Variants in FHIP1A observed in about 807,000 individuals in gnomAD.
FHIP1A encodes the protein FHF complex subunit HOOK interacting protein 1A.
In FHIP1A, 61 loss-of-function variants were observed where a neutral mutation model predicts 88.6. That is an observed-to-expected ratio of 0.69 (90% CI 0.56 to 0.85). The LOEUF is 0.85. FHIP1A is among the 40% of genes least tolerant of loss of function. The pLI, the probability that FHIP1A is intolerant of heterozygous loss-of-function variation, is 0.00. For synonymous variants in FHIP1A, 478 were observed against 496.0 expected (o/e 0.96, Z 0.48); for missense variants, 1,154 against 1,273.5 (o/e 0.91, Z 1.43).
intron 2 of FHIP1A, among the ~76,000 whole-genome samples, chr4:151,465,189 T>C (rs539149365): frequency 5.9e-5 from 9 of 152,162 alleles, no homozygotes; most frequent in Non-Finnish European, 1.3e-4. Context: ...AGTGAGGCCC[T>C]GTCTCTTTAA....
intron 3 of FHIP1A, among the ~76,000 whole-genome samples, chr4:151,515,055 A>G (rs1378946038): frequency 1.3e-5 from 2 of 152,132 alleles, no homozygotes; most frequent in Non-Finnish European, 2.9e-5. Flanking sequence ...AAAATCCTCA[A>G]TAAAATACTG....
chr4:151,606,038 A>G (rs1735059995), intron 7 of FHIP1A, among the ~76,000 whole-genome samples: 2 of 152,166 alleles, frequency 1.3e-5, no homozygotes, highest in Non-Finnish European at 2.9e-5. Flanking sequence ...AACGGGCTAT[A>G]ATTGGGTGCT....
At chr4:151,620,288 A>T (rs908154597) in intron 7 of FHIP1A, among the ~76,000 whole-genome samples, 2 of 152,242 alleles carry the variant, frequency 1.3e-5, no homozygotes, top group African/African-American at 4.8e-5. Context: ...GTCCACCCAC[A>T]GGAAGAGGCA....
At chr4:151,412,316 G>T (rs1732682866) in intron 1 of FHIP1A, among the ~76,000 whole-genome samples, 1 of 152,162 alleles carries the variant, frequency 6.6e-6, no homozygotes, top group Non-Finnish European at 1.5e-5. Context: ...ATGTTGGCCA[G>T]GGTGGTCTCA....
intron 2 of FHIP1A, among the ~76,000 whole-genome samples, chr4:151,462,887 A>T (rs2709820): frequency 6.6e-6 from 1 of 151,982 alleles, no homozygotes; most frequent in Non-Finnish European, 1.5e-5. Flanking sequence ...CTGAGAGATG[A>T]CTTAGTATTG....
rs551770648 is a variant in FHIP1A at position 151,657,495 on chromosome 4, C to T, written c.2869+597C>T. Among the ~76,000 whole-genome samples, 3 of 152,132 alleles carry T rather than the reference C, an allele frequency of 2.0e-5. No individual in the cohort carries two copies. In the East Asian group the frequency reaches 5.8e-4, roughly 29 times the overall value. On this transcript the variant is annotated intron_variant, in intron 13 of 13. Transcript: ENST00000435205. ...GCAGAGTGAGGAGTGGGGGTGGGGGCATGGGTCGGTGCTAGTAGGAGCGCT... is the reference window on the plus strand; with the variant it reads ...GCAGAGTGAGGAGTGGGGGTGGGGGTATGGGTCGGTGCTAGTAGGAGCGCT...
At chr4:151,446,837 G>C (rs1728627503) in intron 1 of FHIP1A, among the ~76,000 whole-genome samples, 1 of 152,096 alleles carries the variant, frequency 6.6e-6, no homozygotes, top group Admixed American at 6.5e-5. Context: ...TCTGCTGATA[G>C]ATAGCTGTTT....
intron 3 of FHIP1A, among the ~76,000 whole-genome samples, chr4:151,522,470 C>T (rs1731479481): frequency 6.6e-6 from 1 of 152,202 alleles, no homozygotes; most frequent in African/African-American, 2.4e-5. Flanking sequence ...GTTCTCTGTT[C>T]AGGAATCTCC....
At chr4:151,636,258 A>AG (rs1280249691) in intron 8 of FHIP1A, among the ~76,000 whole-genome samples, 1 of 151,992 alleles carries the variant, frequency 6.6e-6, no homozygotes, top group Non-Finnish European at 1.5e-5. Context: ...TTAGAAATAG[A>AG]GGGGAACTTC....
chr4:151,662,580 G>A lies in FHIP1A; in HGVS notation c.2949G>A (p.Leu983=). The change falls in exon 14 of 14, where the codon CTG becomes CTA. Residue 983 remains leucine (L), a synonymous_variant. Transcript: ENST00000435205. Reference sequence around the variant, plus strand: ...CTCCAAGAGTGCTTCAGCCCTTCCTGACCCACAGAACCAAGGTGGCTGAGG... The same window carrying A: ...CTCCAAGAGTGCTTCAGCCCTTCCTAACCCACAGAACCAAGGTGGCTGAGG... ...DGPPRVLQPF[L]THRTKVAEAP... is the part of the protein sequence containing the mutation. The A allele has an allele frequency of 6.4e-7, 1 of 1,551,518 alleles. No homozygotes were observed. Among genetic ancestry groups the A allele is most frequent in the Non-Finnish European group, 8.7e-7 (1 of 1,146,950 alleles).
At chr4:151,463,768 C>T (rs146998943) in intron 2 of FHIP1A, among the ~76,000 whole-genome samples, 5 of 152,322 alleles carry the variant, frequency 3.3e-5, no homozygotes, top group African/African-American at 9.6e-5. Flanking sequence ...CTGTGTCTCA[C>T]AGTATCACCA....
chr4:151,565,809 A>G (rs1188890857), intron 3 of FHIP1A, among the ~76,000 whole-genome samples: 1 of 151,970 alleles, frequency 6.6e-6, no homozygotes, highest in Admixed American at 6.5e-5. Flanking sequence ...CCAACCTAAT[A>G]GTTTCTTACT....
At chr4:151,590,738 AT>A (rs1440447397) in intron 7 of FHIP1A, among the ~76,000 whole-genome samples, 1 of 152,226 alleles carries the variant, frequency 6.6e-6, no homozygotes, top group African/African-American at 2.4e-5. Flanking sequence ...TAAGAGAATA[AT>A]TGCTAACATT....
chr4:151,477,689 G>A (rs1490361319), intron 2 of FHIP1A, among the ~76,000 whole-genome samples: 1 of 152,044 alleles, frequency 6.6e-6, no homozygotes, highest in African/African-American at 2.4e-5. Context: ...GCTACAAATA[G>A]TCTAAAGGAA....
At chr4:151,606,328 G>A (rs899490729) in intron 7 of FHIP1A, among the ~76,000 whole-genome samples, 1 of 152,154 alleles carries the variant, frequency 6.6e-6, no homozygotes, top group Admixed American at 6.5e-5. Context: ...AAAACGTCTT[G>A]AAGTTTTATG....
intron 1 of FHIP1A, among the ~76,000 whole-genome samples, chr4:151,439,016 G>C (rs150228618): frequency 6.6e-6 from 1 of 152,066 alleles, no homozygotes; most frequent in Non-Finnish European, 1.5e-5. Flanking sequence ...TGAAACACCC[G>C]TGTACTCAGC....
At chr4:151,617,283 T>C (rs960171540) in intron 7 of FHIP1A, among the ~76,000 whole-genome samples, 2 of 151,910 alleles carry the variant, frequency 1.3e-5, no homozygotes, top group Non-Finnish European at 1.5e-5. Context: ...AACTAAGTTC[T>C]AGCGAATTTG....
chr4:151,662,689 T>A lies in FHIP1A; in HGVS notation c.3058T>A (p.Leu1020Met). 6.4e-7 allele frequency: 1 copy of A among 1,550,966 alleles called. No individual in the cohort carries two copies. The highest frequency in any genetic ancestry group is 8.7e-7 in the Non-Finnish European group (1 of 1,146,910). Residue 1020 changes from leucine (L) to methionine (M), a missense_variant, in exon 14 of 14, where the codon TTG becomes ATG. By Grantham distance (15) the Leu-to-Met change is conservative (BLOSUM62 2). Coordinates refer to ENST00000435205, the MANE Select transcript of FHIP1A (RefSeq NM_001109977.3). ...FPEFLKELAA[L>M]AQEHSILCYK... ...AGAGTTCCTGAAGGAGCTGGCGGCC[T>A]TGGCCCAGGAACACTCCATTCTGTG...
At position 151,652,940 on chromosome 4, in the gene FHIP1A, T is replaced by A. The variant is rs148413994; in HGVS notation, c.2551+2348T>A. Among the ~76,000 whole-genome samples the A allele has an allele frequency of 9.6e-3, 1,460 of 152,192 alleles. 22 individuals carry two copies. The highest frequency in any genetic ancestry group is 0.033 in the African/African-American group (1,366 of 41,498). On this transcript the variant is annotated intron_variant, in intron 11 of 13. Coordinates refer to ENST00000435205, the MANE Select transcript of FHIP1A (RefSeq NM_001109977.3). ...CTGAAGAAGGCCCTGGAGTTTAAAG[T>A]TGAGGAATGATGTGACTGGATCTGA...
Sources: gnomAD v4.1 joint callset for allele counts (sites outside exome capture counted in the v4.1 genomes callset) on GRCh38, gnomAD v4.1.1 for gene constraint, MANE v1.5 for transcripts, NCBI Gene and HGNC (gene_info 2026-07-23, HGNC 2026-07-21) for gene names.